Variants in UIMC1 observed in about 807,000 individuals in gnomAD.
UIMC1 encodes ubiquitin interaction motif containing 1.
A neutral mutation model predicts 84.9 loss-of-function variants in UIMC1; 42 were observed. The observed-to-expected ratio is 0.49, with a 90% CI of 0.39 to 0.64. The LOEUF (loss-of-function observed/expected upper bound fraction) is 0.64, where lower values mean the gene tolerates loss of function less well. Among genes scored for constraint, UIMC1 ranks in the 30% least tolerant of loss-of-function variants. UIMC1 has a pLI of 0.00. For synonymous variants in UIMC1, 281 were observed against 293.0 expected, an observed-to-expected ratio of 0.96 and a Z score of 0.42; for missense variants, 825 against 847.6, an observed-to-expected ratio of 0.97 and a Z score of 0.33.
chr5:176,934,565 T>G (rs1220312880), intron 10 of UIMC1, among the ~76,000 whole-genome samples: 1 of 152,214 alleles, frequency 6.6e-6, no homozygotes, highest in African/African-American at 2.4e-5. Flanking sequence ...TCTGGACTTG[T>G]GACGTGAGGA....
chr5:176,998,728 T>C (rs918290922), intron 1 of UIMC1, among the ~76,000 whole-genome samples: 1 of 151,780 alleles, frequency 6.6e-6, no homozygotes, highest in Non-Finnish European at 1.5e-5. Context: ...GATCATGCCA[T>C]TGCACTCTGG....
chr5:176,974,946 G>C (rs1289139826), intron 3 of UIMC1, among the ~76,000 whole-genome samples: 1 of 152,040 alleles, frequency 6.6e-6, no homozygotes, highest in Non-Finnish European at 1.5e-5. Context: ...TTGAGGCCAG[G>C]AGTTTGAGAT....
At chr5:176,921,488 A>G (rs753568722) in intron 10 of UIMC1, among the ~76,000 whole-genome samples, 11 of 152,304 alleles carry the variant, frequency 7.2e-5, no homozygotes, top group Non-Finnish European at 1.6e-4. Context: ...GTACAAAACC[A>G]AATTCTTAAT....
rs1007873520 is a variant in UIMC1, at chr5:176,975,585, G to C, written c.148-105C>G. The C allele has an allele frequency of 1.5e-5, 16 of 1,044,010 alleles. No homozygotes were observed. In the African/African-American group the frequency reaches 2.2e-4, roughly 15 times the overall value. The allele number at this position is 1,044,010 out of a possible 1,614,324, so 64.7% of individuals were successfully genotyped here. On this transcript the variant is annotated intron_variant, in intron 2 of 14. Transcript: ENST00000511320. ...TAAGAGAGGCCTCTGAGGAATTGGT[G>C]ATTGTTATAAATATGCACATAAAAC...
At position 176,975,471 on chromosome 5, in the gene UIMC1, C is replaced by T; in HGVS notation, c.157G>A (p.Glu53Lys). 1 of 1,614,036 alleles carries T rather than the reference C, an allele frequency of 6.2e-7. No individual in the cohort carries two copies. The highest frequency in any genetic ancestry group is 2.2e-5 in the East Asian group (1 of 44,864). The change falls in exon 3 of 15, where the codon GAG becomes AAG. Residue 53 changes from glutamate (E) to lysine (K), a missense_variant. Transcript: ENST00000511320. ...ISDSDGEEPKEENGLQKTKTK... is the reference protein window; with the variant it reads ...ISDSDGEEPKKENGLQKTKTK... ...TTCGTTTTCTGCAACCCATTTTCCTCCTTTGGTTCCTGTTGCAAAACAAGA... is the reference window on the plus strand; with the variant it reads ...TTCGTTTTCTGCAACCCATTTTCCTTCTTTGGTTCCTGTTGCAAAACAAGA...
chr5:176,982,345 G>A, intron 2 of UIMC1, 124 bp downstream of exon 2: 1 of 1,115,304 alleles, frequency 9.0e-7, no homozygotes, highest in Non-Finnish European at 1.3e-6. Flanking sequence ...ACAAAGCTGA[G>A]TAAAAATTTC....
At chr5:176,905,860 G>A in intron 14 of UIMC1, 151 bp downstream of exon 14, 1 of 775,468 alleles carries the variant, frequency 1.3e-6, no homozygotes, top group Non-Finnish European at 2.1e-6. Flanking sequence ...TAAATGGGGA[G>A]CACAGAGTCA....
upstream of UIMC1, among the ~76,000 whole-genome samples, chr5:177,009,385 A>G (rs78049785): frequency 9.9e-3 from 1,430 of 144,330 alleles, 27 homozygotes; most frequent in African/African-American, 0.037. The surrounding 1 kb of genome is among the most constrained non-coding windows in gnomAD (Gnocchi z 4.3). Context: ...AGAAGAGAGG[A>G]AAAAAAAAAC....
intron 10 of UIMC1, among the ~76,000 whole-genome samples, chr5:176,912,362 G>C (rs1760325542): frequency 6.6e-6 from 1 of 152,076 alleles, no homozygotes; most frequent in African/African-American, 2.4e-5. Context: ...GGTTAGATTT[G>C]ACCCATGGCT....
At chr5:176,991,156 C>T (rs1207804001) in intron 1 of UIMC1, among the ~76,000 whole-genome samples, 8 of 151,708 alleles carry the variant, frequency 5.3e-5, no homozygotes, top group Admixed American at 1.3e-4. Flanking sequence ...TACAGGCGCC[C>T]GCCACCACGC....
chr5:176,929,523 T>C (rs1159193029), intron 10 of UIMC1, among the ~76,000 whole-genome samples: 1 of 151,850 alleles, frequency 6.6e-6, no homozygotes, highest in Non-Finnish European at 1.5e-5. Context: ...GCCGAAATCG[T>C]GCCACTGCAC....
intron 10 of UIMC1, among the ~76,000 whole-genome samples, chr5:176,927,340 A>T (rs1335504243): frequency 6.6e-6 from 1 of 151,318 alleles, no homozygotes; most frequent in Non-Finnish European, 1.5e-5. Context: ...TGCAACCTCC[A>T]CCTCCTGGGT....
intron 9 of UIMC1, among the ~76,000 whole-genome samples, chr5:176,944,672 C>T (rs1764862779): frequency 6.6e-6 from 1 of 152,204 alleles, no homozygotes; most frequent in African/African-American, 2.4e-5. Flanking sequence ...TCTGAGTCAA[C>T]TGGGTCTTTT....
intron 10 of UIMC1, among the ~76,000 whole-genome samples, chr5:176,915,174 A>G (rs2149397176): frequency 6.6e-6 from 1 of 151,658 alleles, no homozygotes; most frequent in Non-Finnish European, 1.5e-5. Flanking sequence ...CTATTCACTT[A>G]TATGTCAGTC....
intron 10 of UIMC1, among the ~76,000 whole-genome samples, chr5:176,928,951 T>C (rs928697728): frequency 6.6e-6 from 1 of 150,754 alleles, no homozygotes; most frequent in African/African-American, 2.4e-5. Context: ...ACTACGTCTT[T>C]TAAAAAAAAA....
upstream of UIMC1, among the ~76,000 whole-genome samples, chr5:177,010,324 G>C (rs1775519606): frequency 6.6e-6 from 1 of 152,152 alleles, no homozygotes; most frequent in Admixed American, 6.6e-5. Flanking sequence ...CATGAGAATA[G>C]AAACTTTATT....
At position 176,908,592 on chromosome 5, in the gene UIMC1, T is replaced by A; in HGVS notation, c.1779A>T (p.Gly593=). The A allele has an allele frequency of 6.2e-7, 1 of 1,614,186 alleles. No individual in the cohort carries two copies. The highest frequency in any genetic ancestry group is 8.5e-7 in the Non-Finnish European group (1 of 1,180,012). The stretch of plus-strand genomic sequence containing the variant: ...AACATGCTCTTCCACTCCCTTCAGG[T>A]CCATCTCCTTGGTCAGCCTTTGCAA... ...LQLAKADQGD[G]PEGSGRACST... The change falls in exon 12 of 15, where the codon GGA becomes GGT. Residue 593 remains glycine, a synonymous_variant. Coordinates refer to ENST00000511320, the MANE Select transcript of UIMC1 (RefSeq NM_001199298.2).
At chr5:176,953,934 T>C (rs1766244216) in intron 8 of UIMC1, among the ~76,000 whole-genome samples, 2 of 152,180 alleles carry the variant, frequency 1.3e-5, no homozygotes, top group African/African-American at 4.8e-5. Context: ...ATAATTTATA[T>C]ATATAACTTC....
At chr5:176,957,827 G>C (rs905747290) in intron 7 of UIMC1, among the ~76,000 whole-genome samples, 1 of 152,198 alleles carries the variant, frequency 6.6e-6, no homozygotes, top group African/African-American at 2.4e-5. Flanking sequence ...CCGCTTTTCA[G>C]AAATAATGTA....
Sources: allele counts gnomAD v4.1 joint callset (sites outside exome capture counted in the v4.1 genomes callset), GRCh38; gene constraint gnomAD v4.1.1; non-coding constraint Gnocchi (gnomAD v3.1); transcripts MANE v1.5; gene names NCBI Gene and HGNC (gene_info 2026-07-23, HGNC 2026-07-21).